The following PRKG1 variants were observed in gnomAD, a reference collection of about 807,000 sequenced individuals.
The protein encoded by PRKG1 is cGMP-dependent protein kinase 1.
Under a neutral mutation model 88.1 loss-of-function variants are expected in PRKG1, and 35 were observed. The ratio of observed to expected loss-of-function variants is 0.40; its 90% CI spans 0.30 to 0.53. The LOEUF is 0.53. Ranked by LOEUF, PRKG1 falls within the 20% of genes least tolerant of loss-of-function variation. PRKG1 has a pLI of 0.59. For missense variants in PRKG1, 540 were observed against 839.8 expected (o/e 0.64, Z 4.41); for synonymous variants, 303 against 292.5 (o/e 1.04, Z -0.37).
At chr10:51,630,630 G>T (rs1839500175) in intron 3 of PRKG1, among the ~76,000 whole-genome samples, 1 of 152,130 alleles carries the variant, frequency 6.6e-6, no homozygotes, top group Non-Finnish European at 1.5e-5. Flanking sequence ...GTCAATATTG[G>T]TAGGCTCATC....
chr10:51,441,710 A>G, intron 2 of PRKG1, among the ~76,000 whole-genome samples: 1 of 151,900 alleles, frequency 6.6e-6, no homozygotes, highest in East Asian at 1.9e-4. Context: ...CTAAGAATCA[A>G]TTTTGCTCAT....
At chr10:52,234,307 T>C (rs2132358575) in intron 9 of PRKG1, among the ~76,000 whole-genome samples, 1 of 152,320 alleles carries the variant, frequency 6.6e-6, no homozygotes, top group Admixed American at 6.5e-5. Context: ...GGAACAAAGC[T>C]GGATGGAGAA....
At chr10:51,427,708 A>G (rs538801184) in intron 2 of PRKG1, among the ~76,000 whole-genome samples, 14 of 152,276 alleles carry the variant, frequency 9.2e-5, no homozygotes, top group Middle Eastern at 3.4e-3. Context: ...TACCAGCAGC[A>G]TTAGTATTAC....
At chr10:51,518,364 T>A (rs189790449) in intron 3 of PRKG1, among the ~76,000 whole-genome samples, 1 of 152,320 alleles carries the variant, frequency 6.6e-6, no homozygotes, top group East Asian at 1.9e-4. Flanking sequence ...TCTTAGTCTT[T>A]AGCCCCAATT....
intron 2 of PRKG1, among the ~76,000 whole-genome samples, chr10:51,390,680 TAAC>T (rs568339189): frequency 2.5e-4 from 38 of 152,222 alleles, no homozygotes; most frequent in Non-Finnish European, 4.6e-4. Context: ...TTCTTCCTTA[TAAC>T]AACAGGTAAC....
At chr10:51,087,403 A>G (rs1844280743) in intron 1 of PRKG1, among the ~76,000 whole-genome samples, 1 of 152,202 alleles carries the variant, frequency 6.6e-6, no homozygotes. Flanking sequence ...CTGATAAAGT[A>G]GCTACTGTTA....
At chr10:51,133,206 A>T (rs1845613225) in intron 1 of PRKG1, among the ~76,000 whole-genome samples, 1 of 152,178 alleles carries the variant, frequency 6.6e-6, no homozygotes, top group South Asian at 2.1e-4. Context: ...CAAAACCAAC[A>T]TCCTATACTA....
intron 1 of PRKG1, among the ~76,000 whole-genome samples, chr10:51,039,801 G>A (rs1227577050): frequency 6.6e-6 from 1 of 152,062 alleles, no homozygotes; most frequent in Non-Finnish European, 1.5e-5. Context: ...TTGTTCTTCT[G>A]CATATGGATA....
At chr10:51,445,603 T>C (rs1447170493) in intron 2 of PRKG1, among the ~76,000 whole-genome samples, 1 of 151,948 alleles carries the variant, frequency 6.6e-6, no homozygotes, top group Non-Finnish European at 1.5e-5. Flanking sequence ...AGTTAATTTG[T>C]AGAAAAATTT....
chr10:51,854,280 C>CA (rs1159003714), intron 4 of PRKG1, among the ~76,000 whole-genome samples: 3 of 151,842 alleles, frequency 2.0e-5, no homozygotes, highest in Non-Finnish European at 2.9e-5. Context: ...AAAAGAAAGA[C>CA]AAAAAAATAG....
intron 4 of PRKG1, among the ~76,000 whole-genome samples, chr10:51,882,016 C>A (rs1841450628): frequency 6.6e-6 from 1 of 152,080 alleles, no homozygotes; most frequent in South Asian, 2.1e-4. Flanking sequence ...ATGATGAAAT[C>A]CATGAGGATG....
At chr10:51,131,825 G>C (rs897959785) in intron 1 of PRKG1, among the ~76,000 whole-genome samples, 2 of 152,036 alleles carry the variant, frequency 1.3e-5, no homozygotes, top group African/African-American at 4.8e-5. Flanking sequence ...CTCACGTTAT[G>C]CAGGCTTCTT....
intron 2 of PRKG1, among the ~76,000 whole-genome samples, chr10:51,246,370 G>A (rs548788945): frequency 6.6e-6 from 1 of 152,164 alleles, no homozygotes; most frequent in South Asian, 2.1e-4. Flanking sequence ...CATAGATAGA[G>A]AGATAGCACT....
intron 17 of PRKG1, among the ~76,000 whole-genome samples, chr10:52,293,114 A>G (rs1368317289): frequency 2.7e-4 from 41 of 149,606 alleles, no homozygotes; most frequent in Non-Finnish European, 4.8e-4. Flanking sequence ...TTATACACCA[A>G]TAACAGACAA....
At chr10:51,811,217 T>C (rs532833009) in intron 4 of PRKG1, among the ~76,000 whole-genome samples, 9 of 152,326 alleles carry the variant, frequency 5.9e-5, no homozygotes, top group African/African-American at 2.2e-4. Context: ...AGTTTAGTAA[T>C]ATTTTCATTG....
intron 2 of PRKG1, among the ~76,000 whole-genome samples, chr10:51,252,317 A>G (rs1589280845): frequency 6.6e-6 from 1 of 151,956 alleles, no homozygotes; most frequent in East Asian, 1.9e-4. Context: ...TCTTTACTAT[A>G]AATACATACC....
chr10:52,251,507 T>A, intron 9 of PRKG1, 63 bp from the exon 10 acceptor site: 1 of 1,202,242 alleles, frequency 8.3e-7, no homozygotes, highest in Non-Finnish European at 1.2e-6. Context: ...CTGGTACAGA[T>A]GTACGTGGTA....
intron 8 of PRKG1, among the ~76,000 whole-genome samples, chr10:52,156,379 T>C (rs1268101833): frequency 6.6e-6 from 1 of 151,950 alleles, no homozygotes; most frequent in Non-Finnish European, 1.5e-5. Context: ...GTCTTATCTG[T>C]AATATAAGGC....
At chr10:52,176,613 T>C (rs1327771954) in intron 9 of PRKG1, among the ~76,000 whole-genome samples, 1 of 152,186 alleles carries the variant, frequency 6.6e-6, no homozygotes, top group East Asian at 1.9e-4. Flanking sequence ...CTTTGGCTAG[T>C]ATGAACATTT....
Sources: gnomAD v4.1 joint callset for allele counts (sites outside exome capture counted in the v4.1 genomes callset) on GRCh38, gnomAD v4.1.1 for gene constraint, MANE v1.5 for transcripts, NCBI Gene and HGNC (gene_info 2026-07-23, HGNC 2026-07-21) for gene names.